The following KLKB1 variants were observed in gnomAD, a reference collection of about 807,000 sequenced individuals.
The protein encoded by KLKB1 is kallikrein B1.
KLKB1 carries 58 observed loss-of-function variants against 73.6 expected under a neutral mutation model. That is an observed-to-expected ratio of 0.79 (90% CI 0.64 to 0.98). The LOEUF is 0.98. KLKB1 is among the 50% of genes least tolerant of loss of function. KLKB1 has a pLI of 0.00. For synonymous variants in KLKB1, 280 were observed against 258.1 expected (o/e 1.08, Z -0.81); for missense variants, 737 against 763.8 (o/e 0.96, Z 0.41).
chr4:186,255,584 T>G (rs1178827583), intron 12 of KLKB1, among the ~76,000 whole-genome samples: 1 of 152,190 alleles, frequency 6.6e-6, no homozygotes, highest in Non-Finnish European at 1.5e-5. Flanking sequence ...TTACACCTCT[T>G]AATTTCCTTA....
At chr4:186,251,176 C>T (rs1301302633) in intron 7 of KLKB1, 43 bp from the exon 8 acceptor site, 3 of 1,363,304 alleles carry the variant, frequency 2.2e-6, no homozygotes, top group East Asian at 4.6e-5. Flanking sequence ...GCCTTTAATG[C>T]AAATTTCTTT....
upstream of KLKB1, among the ~76,000 whole-genome samples, chr4:186,224,008 C>G (rs780156534): frequency 6.6e-5 from 10 of 152,254 alleles, no homozygotes; most frequent in Non-Finnish European, 1.5e-4. Flanking sequence ...CCAGCTCCAG[C>G]TGTGACTAAA....
chr4:186,239,893 C>CA (rs1737923036), intron 6 of KLKB1, among the ~76,000 whole-genome samples: 1 of 142,896 alleles, frequency 7.0e-6, no homozygotes, highest in Non-Finnish European at 1.5e-5. Context: ...GAAACTAGTA[C>CA]GGTGATACTG....
At chr4:186,223,987 C>A (rs1418077371), upstream of KLKB1, among the ~76,000 whole-genome samples, 1 of 152,220 alleles carries the variant, frequency 6.6e-6, no homozygotes, top group African/African-American at 2.4e-5. Flanking sequence ...GTGCCCTGTG[C>A]CCCAGCCACT....
Position 186,233,952 on chromosome 4 carries a change from G to T in KLKB1, c.222G>T (p.Arg74Ser). ...CTAAGTAAAGCTACTTTTAAAATAG[G>T]TTTGGTTGCTTCTTGAAAGATAGTG... is the stretch of plus-strand genomic sequence containing the variant. ...PASSINDMEK[R>S]FGCFLKDSVT... Residue 74 changes from arginine (R) to serine (S), a missense_variant and splice_region_variant, in exon 4 of 15, where the codon AGG (arginine) becomes AGT (serine). Arg to Ser is a moderately radical substitution (Grantham distance 110). Transcript: ENST00000264690. The T allele has an allele frequency of 6.2e-7, 1 of 1,609,018 alleles. No homozygotes were observed. The highest frequency in any genetic ancestry group is 1.1e-5 in the South Asian group (1 of 90,990).
intron 13 of KLKB1, among the ~76,000 whole-genome samples, chr4:186,256,741 T>C (rs1369908009): frequency 6.6e-6 from 1 of 152,138 alleles, no homozygotes; most frequent in Admixed American, 6.5e-5. Context: ...AGAAACGATA[T>C]AGTTGTAAAT....
intron 8 of KLKB1, 22 bp downstream of exon 8, chr4:186,251,350 A>G (rs1451750417): frequency 4.6e-6 from 7 of 1,531,348 alleles, no homozygotes; most frequent in Non-Finnish European, 6.3e-6. Context: ...TGATAATAAT[A>G]TTACATAAAA....
chr4:186,227,789 A>C (rs1384407605), intron 1 of KLKB1, among the ~76,000 whole-genome samples: 1 of 152,242 alleles, frequency 6.6e-6, no homozygotes, highest in African/African-American at 2.4e-5. Flanking sequence ...TAAAATTTTT[A>C]AATGGGCTTT....
intron 4 of KLKB1, among the ~76,000 whole-genome samples, chr4:186,236,186 T>A (rs545791606): frequency 1.7e-4 from 26 of 151,794 alleles, no homozygotes; most frequent in South Asian, 1.5e-3. Flanking sequence ...ATCTTTTGCA[T>A]GTAAGACAAA....
intron 2 of KLKB1, among the ~76,000 whole-genome samples, chr4:186,218,651 T>TGTGC (rs1290427812): frequency 0.05 from 7,481 of 150,726 alleles, 254 homozygotes; most frequent in South Asian, 0.17. Flanking sequence ...TGTGTGTGTG[T>TGTGC]GCGCATGTGT....
chr4:186,258,026 T>G lies in KLKB1; in HGVS notation c.1731T>G (p.Asp577Glu). Reference sequence around the variant, plus strand: ...ATTTTTCCACTGTGACTCAGGGAGATTCAGGTGGTCCCTTAGTTTGCAAAC... The same window carrying G: ...ATTTTTCCACTGTGACTCAGGGAGAGTCAGGTGGTCCCTTAGTTTGCAAAC... ...KEGGKDACKG[D>E]SGGPLVCKHN... Residue 577 changes from aspartate to glutamate, a missense_variant, in exon 15 of 15, where the codon GAT (aspartate) becomes GAG (glutamate). Coordinates refer to ENST00000264690, the MANE Select transcript of KLKB1 (RefSeq NM_000892.5). The G allele has an allele frequency of 1.2e-6, 2 of 1,613,926 alleles. No individual in the cohort carries two copies. The highest frequency in any genetic ancestry group is 1.7e-6 in the Non-Finnish European group (2 of 1,179,786).
chr4:186,216,152 G>A (rs1736897670), intron 2 of KLKB1, among the ~76,000 whole-genome samples: 1 of 152,200 alleles, frequency 6.6e-6, no homozygotes, highest in Admixed American at 6.5e-5. Context: ...TTTCATGTGA[G>A]GATGAGATGG....
intron 3 of KLKB1, among the ~76,000 whole-genome samples, chr4:186,232,514 C>T (rs935469908): frequency 7.2e-5 from 11 of 152,194 alleles, no homozygotes; most frequent in Non-Finnish European, 1.2e-4. Flanking sequence ...TAAACAATCA[C>T]TGTGTTTCTT....
At chr4:186,219,117 T>C (rs1040798152) in intron 2 of KLKB1, among the ~76,000 whole-genome samples, 4 of 152,186 alleles carry the variant, frequency 2.6e-5, no homozygotes, top group African/African-American at 7.2e-5. Context: ...GCTTTTATCC[T>C]AGCCCGGCTG....
chr4:186,251,437 G>A (rs202085871), intron 8 of KLKB1, 50 bp from the exon 9 acceptor site: 62 of 1,582,822 alleles, frequency 3.9e-5, no homozygotes, highest in African/African-American at 1.1e-4. Context: ...TGTAAATGTC[G>A]TTCATTGCTT....
At chr4:186,212,293 T>G in intron 2 of KLKB1, 1 of 152,200 alleles carries the variant, frequency 6.6e-6, no homozygotes, top group East Asian at 1.9e-4. Context: ...TCTTCCATCT[T>G]TAAAGGAAAA....
At chr4:186,238,182 A>G (rs1041258481) in intron 5 of KLKB1, 74 bp from the exon 6 acceptor site, 2 of 934,228 alleles carry the variant, frequency 2.1e-6, no homozygotes, top group African/African-American at 1.6e-5. Context: ...GCATTTTAAT[A>G]CTAACTGTTA....
At chr4:186,235,973 G>T (rs1157050924) in intron 4 of KLKB1, among the ~76,000 whole-genome samples, 2 of 151,890 alleles carry the variant, frequency 1.3e-5, no homozygotes, top group Admixed American at 1.3e-4. Flanking sequence ...AATTAGCCGG[G>T]CGTGGTGGCG....
intron 2 of KLKB1, among the ~76,000 whole-genome samples, chr4:186,214,396 G>T (rs1401767021): frequency 6.6e-6 from 1 of 152,176 alleles, no homozygotes; most frequent in East Asian, 1.9e-4. Flanking sequence ...TGTGTGTCAG[G>T]TCAGCCGAAG....
Sources: gnomAD v4.1 joint callset for allele counts (sites outside exome capture counted in the v4.1 genomes callset) on GRCh38, gnomAD v4.1.1 for gene constraint, MANE v1.5 for transcripts, NCBI Gene and HGNC (gene_info 2026-07-23, HGNC 2026-07-21) for gene names.